The following WNT5A variants were observed in gnomAD, a reference collection of about 807,000 sequenced individuals.
The protein encoded by WNT5A is Wnt family member 5A.
A neutral mutation model predicts 42.1 loss-of-function variants in WNT5A; 9 were observed. That is an observed-to-expected ratio of 0.21 (90% CI 0.13 to 0.37). The LOEUF is 0.37. Ranked by LOEUF, WNT5A falls within the 10% of genes least tolerant of loss-of-function variation. The pLI is 1.00. For missense variants in WNT5A, 426 were observed against 534.0 expected (o/e 0.80, Z 1.99); for synonymous variants, 210 against 210.0 (o/e 1.00, Z 0.00).
At position 55,470,068 on chromosome 3, in the gene WNT5A, G is replaced by A. The variant is rs539885600; in HGVS notation, c.*24C>T. On this transcript the variant is annotated 3_prime_UTR_variant, in exon 5 of 5. Coordinates refer to ENST00000264634, the MANE Select transcript of WNT5A (RefSeq NM_003392.7). ...TATAAATAAGCGGGTCCTGGGAGCGGGGCTGAGTGCTGGGTGGCACCCACT... is the reference window on the plus strand; with the variant it reads ...TATAAATAAGCGGGTCCTGGGAGCGAGGCTGAGTGCTGGGTGGCACCCACT... 33 of 1,613,654 alleles carry A rather than the reference G, an allele frequency of 2.0e-5. No individual in the cohort carries two copies. In the African/African-American group the frequency reaches 4.3e-4, roughly 21 times the overall value.
At position 55,470,320 on chromosome 3, in the gene WNT5A, G is replaced by A. The variant is rs1044254835; in HGVS notation, c.915C>T (p.Ser305=). The change falls in exon 5 of 5, where the codon AGC becomes AGT. Residue 305 remains serine, a synonymous_variant. Transcript: ENST00000264634. ...TCTCATTGCGCACGCAGTAGTCAGG[G>A]CTGGGGTCGATGTAGACCAGGTCTT... ...TTQDLVYIDP[S]PDYCVRNEST... 1.2e-5 allele frequency: 19 copies of A among 1,613,938 alleles called. No individual in the cohort carries two copies. Among genetic ancestry groups the A allele is most frequent in the Non-Finnish European group, 1.6e-5 (19 of 1,179,912 alleles).
At chr3:55,482,630 C>A (rs1234865145) in intron 1 of WNT5A, among the ~76,000 whole-genome samples, 2 of 152,258 alleles carry the variant, frequency 1.3e-5, no homozygotes, top group South Asian at 4.1e-4. Flanking sequence ...CTTATGTGGT[C>A]CCCAGCGCCT....
Position 55,474,347 on chromosome 3 carries a change from G to A in WNT5A, c.674C>T (p.Ala225Val). 6.2e-7 allele frequency: 1 copy of A among 1,612,976 alleles called. No homozygotes were observed. ...AGACGCGGCACTCACCCTGCGGCCG[G>A]CCTCGTTGTTGTGCAGGTTCATGAG... ...RILMNLHNNE[A>V]GRRTVYNLAD... The change falls in exon 4 of 5, where the codon GCC becomes GTC. Residue 225 changes from alanine to valine, a missense_variant. This residue lies in a region of WNT5A where 358 missense variants were observed against 468.1 expected (regional missense o/e 0.76). Coordinates refer to ENST00000264634, the MANE Select transcript of WNT5A (RefSeq NM_003392.7).
At chr3:55,501,492 G>A in the WNT5A span, 3 of 152,226 alleles carry the variant, frequency 2.0e-5, no homozygotes, top group South Asian at 2.1e-4. Context: ...TCTGTAGAAC[G>A]TAGAAAGGTT....
Position 55,474,309 on chromosome 3 carries a change from C to A in WNT5A, c.684+28G>T, listed in dbSNP as rs754309767. Reference sequence around the variant, plus strand: ...AGGGCAAGGTGAGAAGACAGAGATGCGGGGCGGGGGCGAGACGCGGCACTC... The same window carrying A: ...AGGGCAAGGTGAGAAGACAGAGATGAGGGGCGGGGGCGAGACGCGGCACTC... On this transcript the variant is annotated intron_variant, in intron 4 of 4. Coordinates refer to ENST00000264634, the MANE Select transcript of WNT5A (RefSeq NM_003392.7). The A allele has an allele frequency of 1.8e-5, 29 of 1,611,328 alleles. No homozygotes were observed. In the East Asian group the frequency reaches 5.4e-4, roughly 30 times the overall value.
intron 2 of WNT5A, among the ~76,000 whole-genome samples, chr3:55,480,272 T>C (rs944782014): frequency 6.6e-6 from 1 of 152,230 alleles, no homozygotes; most frequent in African/African-American, 2.4e-5. Context: ...TTGGGGACAT[T>C]TGACTACTTC....
chr3:55,503,298 T>C, the WNT5A span, among the ~76,000 whole-genome samples: 1 of 152,236 alleles, frequency 6.6e-6, no homozygotes, highest in Non-Finnish European at 1.5e-5. Context: ...CTGGTAATAA[T>C]ACCTATCATT....
chr3:55,503,109 A>T, the WNT5A span, among the ~76,000 whole-genome samples: 1 of 152,208 alleles, frequency 6.6e-6, no homozygotes, highest in Non-Finnish European at 1.5e-5. Flanking sequence ...GTAACCAGGG[A>T]AATTTACAGC....
At chr3:55,487,936 C>T (rs1156583419), upstream of WNT5A, 2 of 152,272 alleles carry the variant, frequency 1.3e-5, no homozygotes, top group Non-Finnish European at 2.9e-5. Flanking sequence ...CCCCCCACCA[C>T]GTATCCCGTT....
At chr3:55,482,826 T>C (rs940095215) in intron 1 of WNT5A, among the ~76,000 whole-genome samples, 1 of 152,074 alleles carries the variant, frequency 6.6e-6, no homozygotes, top group Non-Finnish European at 1.5e-5. Context: ...AAAGTCTGCT[T>C]CTCGCGCAGC....
upstream of WNT5A, among the ~76,000 whole-genome samples, chr3:55,494,914 C>G (rs972937655): frequency 1.3e-5 from 2 of 152,198 alleles, no homozygotes; most frequent in African/African-American, 4.8e-5. Flanking sequence ...GTCCTCCTTT[C>G]ATGGCCACCT....
chr3:55,502,565 C>T, the WNT5A span, among the ~76,000 whole-genome samples: 1 of 152,108 alleles, frequency 6.6e-6, no homozygotes, highest in Non-Finnish European at 1.5e-5. Flanking sequence ...TTAAGCATTT[C>T]CAAATGGAGT....
At chr3:55,486,446 T>C (rs2051580098) in intron 1 of WNT5A, among the ~76,000 whole-genome samples, 1 of 152,206 alleles carries the variant, frequency 6.6e-6, no homozygotes, top group African/African-American at 2.4e-5. Context: ...CAATCTGGCC[T>C]CCGTCGGTGC....
rs1268125839 is a variant in WNT5A at position 55,468,877 on chromosome 3, A to G, written c.*1215T>C. The G allele has an allele frequency of 6.6e-6, 1 of 152,538 alleles. No individual in the cohort carries two copies. The highest frequency in any genetic ancestry group is 1.5e-5 in the Non-Finnish European group (1 of 68,046). 9.4% of individuals were successfully genotyped at this position (152,538 alleles called of 1,614,324 possible). On this transcript the variant is annotated 3_prime_UTR_variant, in exon 5 of 5. Coordinates refer to ENST00000264634, the MANE Select transcript of WNT5A (RefSeq NM_003392.7). ...ATTAGCCAAGTTCTGTCATTAAAAC[A>G]TAGAAAACTACTGCTCCTCAAAATA...
intron 1 of WNT5A, among the ~76,000 whole-genome samples, chr3:55,486,612 A>C (rs2051583437): frequency 6.6e-6 from 1 of 152,204 alleles, no homozygotes; most frequent in East Asian, 1.9e-4. Context: ...ATATTTGTTG[A>C]ATTGAATCAT....
chr3:55,498,390 G>A, the WNT5A span, among the ~76,000 whole-genome samples: 9 of 152,116 alleles, frequency 5.9e-5, no homozygotes, highest in Non-Finnish European at 1.3e-4. Context: ...CCGCTCTCAA[G>A]GACTCACAAT....
rs1458324249 is a variant in WNT5A at position 55,469,722 on chromosome 3, T to G, written c.*370A>C. ...TCAACTGGAACCTACCCATCCCATA[T>G]GATGGCATATTTGAGAAAAAGAAAA... On this transcript the variant is annotated 3_prime_UTR_variant, in exon 5 of 5. Transcript: ENST00000264634. The G allele has an allele frequency of 1.7e-5, 3 of 177,500 alleles. No homozygotes were observed. The highest frequency in any genetic ancestry group is 7.2e-5 in the African/African-American group (3 of 41,700). 11.0% of individuals were successfully genotyped at this position (177,500 alleles called of 1,614,324 possible).
Position 55,479,516 on chromosome 3 carries a change from T to C in WNT5A, c.189A>G (p.Ile63Met), listed in dbSNP as rs1409168290. 6.2e-7 allele frequency: 1 copy of C among 1,613,866 alleles called. No individual in the cohort carries two copies. The highest frequency in any genetic ancestry group is 8.5e-7 in the Non-Finnish European group (1 of 1,179,782). The change falls in exon 3 of 5, where the codon ATA becomes ATG. Residue 63 changes from isoleucine to methionine, a missense_variant. Transcript: ENST00000264634. Reference protein sequence around the residue: ...NPVQMSEVYIIGAQPLCSQLA... With the variant: ...NPVQMSEVYIMGAQPLCSQLA... ...GTTGGCTGCAGAGAGGCTGTGCTCC[T>C]ATAATATATACTTCTGACATCTGAA...
chr3:55,483,890 C>T lies in WNT5A; in HGVS notation c.7-2972G>A, dbSNP rs190549460. On this transcript the variant is annotated intron_variant, in intron 1 of 4. Coordinates refer to ENST00000264634, the MANE Select transcript of WNT5A (RefSeq NM_003392.7). The surrounding 1 kb of genome is among the most constrained non-coding windows in gnomAD (Gnocchi z 4.2). Reference sequence around the variant, plus strand: ...GTAGCAAAATTGTTCAGAGGACGTTCGGAGGGCGCGGGGAGCAGCCGGATG... The same window carrying T: ...GTAGCAAAATTGTTCAGAGGACGTTTGGAGGGCGCGGGGAGCAGCCGGATG... Among the ~76,000 whole-genome samples, 121 of 152,212 alleles carry T rather than the reference C, an allele frequency of 7.9e-4. No individual in the cohort carries two copies. Among genetic ancestry groups the T allele is most frequent in the African/African-American group, 2.9e-3 (119 of 41,548 alleles).
Sources: gnomAD v4.1 joint callset for allele counts (sites outside exome capture counted in the v4.1 genomes callset) on GRCh38, gnomAD v4.1.1 for gene constraint, gnomAD v4.1.1 regional missense constraint, Gnocchi (gnomAD v3.1) non-coding constraint, MANE v1.5 for transcripts, NCBI Gene and HGNC (gene_info 2026-07-23, HGNC 2026-07-21) for gene names.